The following C1orf185 variants were observed in gnomAD, a reference collection of about 807,000 sequenced individuals.
C1orf185 encodes chromosome 1 open reading frame 185, also known as uncharacterized protein C1orf185.
C1orf185 carries 13 observed loss-of-function variants against 16.1 expected under a neutral mutation model. The ratio of observed to expected loss-of-function variants is 0.81; its 90% CI spans 0.53 to 1.28. The LOEUF is 1.28. Ranked by LOEUF, C1orf185 falls within the 50% of genes most tolerant of loss-of-function variation. The probability of loss-of-function intolerance (pLI) is 0.00; values close to 1 mark genes in which losing one functional copy is unlikely to be tolerated. For synonymous variants in C1orf185, 80 were observed against 76.9 expected, an observed-to-expected ratio of 1.04 and a Z score of -0.21; for missense variants, 220 against 225.2, an observed-to-expected ratio of 0.98 and a Z score of 0.15.
At chr1:51,138,695 A>AT (rs571285566) in intron 3 of C1orf185, among the ~76,000 whole-genome samples, 7 of 124,130 alleles carry the variant, frequency 5.6e-5, no homozygotes, top group African/African-American at 1.8e-4. Context: ...CTGGCCCAGA[A>AT]TTTTTTTTTT....
intron 4 of C1orf185, 45 bp from the exon 5 acceptor site, chr1:51,147,422 T>A: frequency 7.0e-7 from 1 of 1,424,696 alleles, no homozygotes; most frequent in South Asian, 1.5e-5. Flanking sequence ...TAATTAAGAG[T>A]TGGCTTGTGA....
chr1:51,103,182 G>A (rs1226489947), intron 1 of C1orf185, among the ~76,000 whole-genome samples: 1 of 151,892 alleles, frequency 6.6e-6, no homozygotes, highest in Admixed American at 6.6e-5. Flanking sequence ...GAGGTGGGAG[G>A]ATCCCTTGAG....
downstream of C1orf185, among the ~76,000 whole-genome samples, chr1:51,151,365 A>G (rs1360790939): frequency 6.6e-6 from 1 of 152,248 alleles, no homozygotes; most frequent in African/African-American, 2.4e-5. Context: ...TTGTAAGAGG[A>G]ACAAAGGAAG....
intron 1 of C1orf185, among the ~76,000 whole-genome samples, chr1:51,108,712 T>C (rs919566194): frequency 2.0e-5 from 3 of 152,190 alleles, no homozygotes; most frequent in South Asian, 2.1e-4. Context: ...ATTTCACTTA[T>C]GACTTCCAGT....
chr1:51,139,041 A>AG (rs1310873141), intron 3 of C1orf185, among the ~76,000 whole-genome samples: 12 of 151,786 alleles, frequency 7.9e-5, no homozygotes, highest in Non-Finnish European at 1.3e-4. Flanking sequence ...TATTTTACTT[A>AG]CATTTTTTAC....
chr1:51,133,538 G>A (rs1013594984), intron 3 of C1orf185, among the ~76,000 whole-genome samples: 1 of 152,156 alleles, frequency 6.6e-6, no homozygotes, highest in Non-Finnish European at 1.5e-5. Context: ...CAACACAGGA[G>A]CACCCAGATT....
intron 1 of C1orf185, among the ~76,000 whole-genome samples, chr1:51,110,883 C>T (rs977320898): frequency 6.6e-6 from 1 of 151,950 alleles, no homozygotes; most frequent in Non-Finnish European, 1.5e-5. Context: ...GCAGGAGAAT[C>T]GCTTGAACCC....
chr1:51,112,332 T>A, intron 1 of C1orf185, 132 bp from the exon 2 acceptor site: 1 of 670,970 alleles, frequency 1.5e-6, no homozygotes, highest in Non-Finnish European at 2.4e-6. Flanking sequence ...GGGACTAGAA[T>A]TCCCATCTCC....
intron 4 of C1orf185, 75 bp from the exon 5 acceptor site, chr1:51,147,392 C>A: frequency 7.7e-7 from 1 of 1,306,976 alleles, no homozygotes; most frequent in Non-Finnish European, 1.0e-6. Context: ...ATTATCCTGC[C>A]CATTCTGACA....
intron 3 of C1orf185, among the ~76,000 whole-genome samples, chr1:51,142,528 T>C (rs866824952): frequency 2.9e-4 from 44 of 152,150 alleles, no homozygotes; most frequent in African/African-American, 1.1e-3. Context: ...TCATCTAGAG[T>C]TTCCAATGTG....
intron 3 of C1orf185, among the ~76,000 whole-genome samples, chr1:51,138,793 G>A (rs1646344586): frequency 6.6e-6 from 1 of 151,844 alleles, no homozygotes; most frequent in South Asian, 2.1e-4. Context: ...GTTCAAACAA[G>A]TCTCCTGCCC....
chr1:51,105,712 G>T (rs1046936429), intron 1 of C1orf185, among the ~76,000 whole-genome samples: 1 of 152,142 alleles, frequency 6.6e-6, no homozygotes, highest in Non-Finnish European at 1.5e-5. Context: ...AGTGACTATT[G>T]AAAGTGGGGA....
chr1:51,109,306 A>C (rs1646096568), intron 1 of C1orf185, among the ~76,000 whole-genome samples: 1 of 152,146 alleles, frequency 6.6e-6, no homozygotes, highest in Non-Finnish European at 1.5e-5. Context: ...TATATTTTAA[A>C]TATTAATCCC....
At chr1:51,138,457 A>G (rs1363834877) in intron 3 of C1orf185, among the ~76,000 whole-genome samples, 1 of 151,968 alleles carries the variant, frequency 6.6e-6, no homozygotes, top group Non-Finnish European at 1.5e-5. Flanking sequence ...CAGTGGCACA[A>G]TCTCGGCTCA....
At chr1:51,127,521 G>T (rs1039406150) in intron 3 of C1orf185, among the ~76,000 whole-genome samples, 1 of 152,080 alleles carries the variant, frequency 6.6e-6, no homozygotes, top group African/African-American at 2.4e-5. Flanking sequence ...CCTGACCTCA[G>T]GTGATCCACC....
At chr1:51,123,919 T>C (rs1646215849) in intron 3 of C1orf185, among the ~76,000 whole-genome samples, 1 of 151,762 alleles carries the variant, frequency 6.6e-6, no homozygotes, top group South Asian at 2.1e-4. Flanking sequence ...GTTTAAAATA[T>C]ATATTTTATA....
At chr1:51,118,885 G>A (rs1646177860) in intron 3 of C1orf185, 84 bp downstream of exon 3, 1 of 1,038,526 alleles carries the variant, frequency 9.6e-7, no homozygotes, top group South Asian at 3.6e-5. Context: ...AAAATCTGAA[G>A]GACAGAGAAT....
At chr1:51,116,493 T>C (rs1314841279) in intron 2 of C1orf185, among the ~76,000 whole-genome samples, 2 of 152,060 alleles carry the variant, frequency 1.3e-5, no homozygotes, top group East Asian at 3.9e-4. Flanking sequence ...TTTGTATTTT[T>C]AGTAGAGACA....
At chr1:51,149,937 A>G (rs1646422460), downstream of C1orf185, among the ~76,000 whole-genome samples, 1 of 152,146 alleles carries the variant, frequency 6.6e-6, no homozygotes, top group Admixed American at 6.5e-5. Context: ...TTTTGCTTAA[A>G]CTAGCAAGAT....
Sources: allele counts gnomAD v4.1 joint callset (sites outside exome capture counted in the v4.1 genomes callset), GRCh38; gene constraint gnomAD v4.1.1; transcripts MANE v1.5; gene names NCBI Gene and HGNC (gene_info 2026-07-23, HGNC 2026-07-21).